GNG3: variants seen among roughly 807,000 people sequenced by gnomAD.
GNG3 encodes the protein guanine nucleotide-binding protein G(I)/G(S)/G(O) subunit gamma-3.
Under a neutral mutation model 5.6 loss-of-function variants are expected in GNG3, and 4 were observed. That is an observed-to-expected ratio of 0.71 (90% CI 0.35 to 1.63). GNG3 has a LOEUF of 1.63. Ranked by LOEUF, GNG3 falls within the 40% of genes most tolerant of loss-of-function variation. The pLI is 0.05. For synonymous variants in GNG3, 30 were observed against 33.5 expected (o/e 0.89, Z 0.36); for missense variants, 62 against 96.6 (o/e 0.64, Z 1.50).
At chr11:62,706,471 C>T (rs1336681982), upstream of GNG3, 26 of 401,386 alleles carry the variant, frequency 6.5e-5, no homozygotes, top group Non-Finnish European at 1.2e-4. Flanking sequence ...CTCTCTGCGG[C>T]AGGTTTCCCT....
chr11:62,707,512 T>C, upstream of GNG3: 1 of 628,972 alleles, frequency 1.6e-6, no homozygotes, highest in African/African-American at 1.8e-5. Context: ...GAGTCGGCCT[T>C]GGCCTCAGCT....
Position 62,708,969 on chromosome 11 carries a change from C to A in GNG3, c.*163C>A. The A allele has an allele frequency of 1.5e-6, 1 of 658,782 alleles. No individual in the cohort carries two copies. The highest frequency in any genetic ancestry group is 2.7e-6 in the Non-Finnish European group (1 of 370,140). The allele number at this position is 658,782 out of a possible 1,614,324, so 40.8% of individuals were successfully genotyped here. A position where few individuals can be genotyped will look rare whatever the true frequency, so the allele number is the denominator to read the frequency against. On this transcript the variant is annotated 3_prime_UTR_variant, in exon 3 of 3. Transcript: ENST00000294117. ...ACAAGGCCCACCCTCACCTATCTGT[C>A]GACCCCATTTCCTACCACCTTTGTG...
chr11:62,708,144 G>T, intron 1 of GNG3, 151 bp from the exon 2 acceptor site: 1 of 671,212 alleles, frequency 1.5e-6, no homozygotes, highest in Non-Finnish European at 2.8e-6. Context: ...GGAATACAGG[G>T]ATGAGACAGT....
chr11:62,709,200 C>G lies in GNG3; in HGVS notation c.*394C>G. 1 of 457,034 alleles carries G rather than the reference C, an allele frequency of 2.2e-6. No homozygotes were observed. Among genetic ancestry groups the G allele is most frequent in the Non-Finnish European group, 4.4e-6 (1 of 228,678 alleles). The allele number at this position is 457,034 out of a possible 1,614,324, so 28.3% of individuals were successfully genotyped here. On this transcript the variant is annotated 3_prime_UTR_variant, in exon 3 of 3. Transcript: ENST00000294117. ...TGAAGAATAAAGTCATCCAGAGCCT[C>G]AGGACAGCTCCTGTGTTAGAATTCT...
Position 62,707,838 on chromosome 11 carries a change from C to T in GNG3, c.-79C>T. On this transcript the variant is annotated 5_prime_UTR_variant, in exon 1 of 3. Coordinates refer to ENST00000294117, the MANE Select transcript of GNG3 (RefSeq NM_012202.5). ...AGCTGCAACTCCCTACTGGGTGGGGCACCCATTTCAGGCAGAAGGTTTTGG... is the reference window on the plus strand; with the variant it reads ...AGCTGCAACTCCCTACTGGGTGGGGTACCCATTTCAGGCAGAAGGTTTTGG... 4.0e-6 allele frequency: 1 copy of T among 252,032 alleles called. No individual in the cohort carries two copies. Among genetic ancestry groups the T allele is most frequent in the South Asian group, 5.2e-5 (1 of 19,086 alleles). The allele number at this position is 252,032 out of a possible 1,614,324, so 15.6% of individuals were successfully genotyped here. A position where few individuals can be genotyped will look rare whatever the true frequency, so the allele number is the denominator to read the frequency against.
chr11:62,707,087 C>A, upstream of GNG3: 1 of 1,547,548 alleles, frequency 6.5e-7, no homozygotes, highest in African/African-American at 1.4e-5. Flanking sequence ...TTTCTGCTGA[C>A]TGTCCCCACA....
At chr11:62,708,561 G>A (rs2083582146) in intron 2 of GNG3, 117 bp from the exon 3 acceptor site, 1 of 1,443,038 alleles carries the variant, frequency 6.9e-7, no homozygotes, top group African/African-American at 1.4e-5. Flanking sequence ...GGGGGATGAG[G>A]GAGAAGACAA....
chr11:62,708,176 G>A (rs1590888495), intron 1 of GNG3, 119 bp from the exon 2 acceptor site: 1 of 740,314 alleles, frequency 1.4e-6, no homozygotes, highest in Non-Finnish European at 2.5e-6. Flanking sequence ...GGAGGAGGAG[G>A]ATAGGAGGGG....
At chr11:62,706,484 G>A (rs1451718255), upstream of GNG3, 1 of 401,500 alleles carries the variant, frequency 2.5e-6, no homozygotes, top group Non-Finnish European at 4.8e-6. Flanking sequence ...GTTTCCCTCC[G>A]GTTACCGTGA....
chr11:62,708,421 T>C (rs754636142), intron 2 of GNG3, 27 bp downstream of exon 2: 6 of 1,497,876 alleles, frequency 4.0e-6, no homozygotes, highest in Non-Finnish European at 3.7e-6. Context: ...CTGGCTCCCA[T>C]TAGTTGGCCA....
chr11:62,707,476 G>A (rs2083561743), upstream of GNG3: 1 of 666,738 alleles, frequency 1.5e-6, no homozygotes, highest in East Asian at 2.7e-5. Context: ...GCCGTCATAG[G>A]CCCAGACCAC....
chr11:62,709,039 C>G lies in GNG3; in HGVS notation c.*233C>G. ...GAGATATGAGGCACCCTTTGCTCCA[C>G]CCACAGCAGGGCCCCGTCAGACTCT... On this transcript the variant is annotated 3_prime_UTR_variant, in exon 3 of 3. Coordinates refer to ENST00000294117, the MANE Select transcript of GNG3 (RefSeq NM_012202.5). 1 of 527,654 alleles carries G rather than the reference C, an allele frequency of 1.9e-6. No individual in the cohort carries two copies. The highest frequency in any genetic ancestry group is 3.5e-6 in the Non-Finnish European group (1 of 286,854). The allele number at this position is 527,654 out of a possible 1,614,324, so 32.7% of individuals were successfully genotyped here.
At position 62,709,117 on chromosome 11, in the gene GNG3, G is replaced by A. The variant is rs1297427480; in HGVS notation, c.*311G>A. On this transcript the variant is annotated 3_prime_UTR_variant, in exon 3 of 3. Coordinates refer to ENST00000294117, the MANE Select transcript of GNG3 (RefSeq NM_012202.5). ...GTGACCTGCTCAGACAATGGAGAGG[G>A]ATGGGCCAGGTTCTTGCTCTCAGTC... 4.2e-6 allele frequency: 2 copies of A among 480,262 alleles called. No homozygotes were observed. Among genetic ancestry groups the A allele is most frequent in the Non-Finnish European group, 8.1e-6 (2 of 245,938 alleles). The allele number at this position is 480,262 out of a possible 1,614,324, so 29.8% of individuals were successfully genotyped here.
chr11:62,707,103 C>A (rs1190271556), upstream of GNG3: 1 of 1,552,718 alleles, frequency 6.4e-7, no homozygotes. Flanking sequence ...CCACAAGGGC[C>A]CCTACCTCCT....
At chr11:62,707,240 CT>C (rs1328278556), upstream of GNG3, 8 of 1,508,126 alleles carry the variant, frequency 5.3e-6, no homozygotes, top group East Asian at 2.0e-4. Context: ...CACTGAGTCA[CT>C]TGTGGCTAAA....
chr11:62,708,599 A>G, intron 2 of GNG3, 79 bp from the exon 3 acceptor site: 1 of 1,583,068 alleles, frequency 6.3e-7, no homozygotes, highest in South Asian at 1.1e-5. Flanking sequence ...AGATGGCAAA[A>G]GAGAACCCAT....
At position 62,708,796 on chromosome 11, in the gene GNG3, C is replaced by T; in HGVS notation, c.218C>T (p.Ala73Val). ...TTCCGGGAGAAGAAGTTCTTCTGTG[C>T]TCTCCTCTGAGCTCCCCTGTCCCTT... ...NPFREKKFFC[A>V]LL The change falls in exon 3 of 3, where the codon GCT (alanine) becomes GTT (valine). Residue 73 changes from alanine (A) to valine (V), a missense_variant. Physicochemically the swap from Ala to Val is moderately conservative, Grantham distance 64. Coordinates refer to ENST00000294117, the MANE Select transcript of GNG3 (RefSeq NM_012202.5). 4 of 1,613,164 alleles carry T rather than the reference C, an allele frequency of 2.5e-6. No individual in the cohort carries two copies. The highest frequency in any genetic ancestry group is 2.2e-5 in the South Asian group (2 of 91,034).
intron 1 of GNG3, 137 bp downstream of exon 1, chr11:62,708,052 T>G: frequency 3.7e-6 from 2 of 539,472 alleles, no homozygotes; most frequent in East Asian, 3.2e-5. Flanking sequence ...CCTTAAATCA[T>G]TTGTGTAAGG....
intron 1 of GNG3, 81 bp from the exon 2 acceptor site, chr11:62,708,214 C>T: frequency 3.3e-6 from 3 of 900,204 alleles, no homozygotes; most frequent in Non-Finnish European, 5.7e-6. Context: ...TGACCACAGC[C>T]TTGTAAAGGT....
Sources: allele counts gnomAD v4.1 joint callset, GRCh38; gene constraint gnomAD v4.1.1; transcripts MANE v1.5; gene names NCBI Gene and HGNC (gene_info 2026-07-23, HGNC 2026-07-21).